OOEP: variants seen among roughly 807,000 people sequenced by gnomAD.
The protein encoded by OOEP is oocyte expressed protein, also known as oocyte-expressed protein homolog.
In OOEP, 16 loss-of-function variants were observed where a neutral mutation model predicts 13.7. That is an observed-to-expected ratio of 1.16 (90% CI 0.79 to 1.77). The LOEUF (loss-of-function observed/expected upper bound fraction) is 1.77. Ranked by LOEUF, OOEP falls within the 40% of genes most tolerant of loss-of-function variation. OOEP has a pLI of 0.00. For synonymous variants in OOEP, 89 were observed against 77.1 expected (o/e 1.15, Z -0.81); for missense variants, 195 against 193.1 (o/e 1.01, Z -0.06).
rs1183370048 is a variant in OOEP, at chr6:73,394,929, C to G, written c.-329G>C. 1.9e-6 allele frequency: 3 copies of G among 1,614,252 alleles called. No individual in the cohort carries two copies. In the South Asian group the frequency reaches 3.3e-5, roughly 18 times the overall value. On this transcript the variant is annotated 5_prime_UTR_variant, in exon 1 of 4. Transcript: ENST00000370363. ...CAATGTCCCACCACGGAGGAGCTCC[C>G]AAGGCCTCTACGTGGGTCGTTGCTA...
chr6:73,373,069 A>G, upstream of OOEP: 1 of 1,507,886 alleles, frequency 6.6e-7, no homozygotes, highest in Non-Finnish European at 9.2e-7. Context: ...CGTGACCTTC[A>G]GACAGCATAA....
At chr6:73,373,401 T>C (rs556332252), upstream of OOEP, 383 of 850,400 alleles carry the variant, frequency 4.5e-4, 5 homozygotes, top group Admixed American at 7.8e-3. Flanking sequence ...CTCAGCTCAC[T>C]GGGTAGCTGA....
intron 2 of OOEP, among the ~76,000 whole-genome samples, chr6:73,393,187 C>T (rs1034922652): frequency 2.6e-5 from 4 of 151,710 alleles, no homozygotes; most frequent in African/African-American, 7.3e-5. Flanking sequence ...TTCGGCACTT[C>T]GGCTCACTGT....
chr6:73,374,021 T>G (rs1330350661), upstream of OOEP, among the ~76,000 whole-genome samples: 2 of 151,902 alleles, frequency 1.3e-5, no homozygotes, highest in African/African-American at 4.8e-5. Flanking sequence ...AGAGGACCTG[T>G]CTCTACAAAA....
upstream of OOEP, chr6:73,369,946 C>A: frequency 1.6e-6 from 1 of 639,934 alleles, no homozygotes; most frequent in South Asian, 1.9e-5. Flanking sequence ...CGGGTGCAAG[C>A]GACGCCCCGG....
At position 73,369,768 on chromosome 6, in the gene OOEP, C is replaced by T. The variant is rs1180590771; in HGVS notation, c.25G>A (p.Glu9Lys). ...GGAGTCTGTTTGCCCCGCTGGGACT[C>T]AGCGGCACCAGCATCATCGACCATA... MVDDAGAA[E>K]SQRGKQTPAH... Residue 9 changes from glutamate to lysine, a missense_variant, in exon 1 of 3, where the codon GAG becomes AAG. Transcript: ENST00000370359. The T allele has an allele frequency of 1.9e-6, 3 of 1,613,676 alleles. No homozygotes were observed. The highest frequency in any genetic ancestry group is 4.5e-5 in the East Asian group (2 of 44,888).
chr6:73,377,606 G>C, intron 2 of OOEP, among the ~76,000 whole-genome samples: 1 of 152,102 alleles, frequency 6.6e-6, no homozygotes, highest in East Asian at 1.9e-4. Context: ...GTTGGGTCTG[G>C]TTTTGAACAA....
chr6:73,379,572 G>C (rs1429547382), intron 2 of OOEP, among the ~76,000 whole-genome samples: 1 of 143,100 alleles, frequency 7.0e-6, no homozygotes, highest in Non-Finnish European at 1.5e-5. Context: ...CCAGGAGGTG[G>C]AGGTTGCAGT....
At chr6:73,373,228 G>GA (rs1769087813), upstream of OOEP, 7 of 1,612,844 alleles carry the variant, frequency 4.3e-6, no homozygotes, top group South Asian at 6.6e-5. Flanking sequence ...TCTTGGCCAG[G>GA]AATCGCTTAA....
upstream of OOEP, among the ~76,000 whole-genome samples, chr6:73,374,311 A>T (rs1250419118): frequency 6.6e-6 from 1 of 152,078 alleles, no homozygotes; most frequent in African/African-American, 2.4e-5. Flanking sequence ...GTGATGTGGA[A>T]CCCCAGAGGC....
upstream of OOEP, among the ~76,000 whole-genome samples, chr6:73,372,907 CCTTT>C (rs1211432673): frequency 7.2e-5 from 10 of 139,668 alleles, no homozygotes; most frequent in Admixed American, 7.9e-5. Context: ...CTTTTTCTTT[CCTTT>C]TTTTTTTTTT....
At chr6:73,372,928 T>A (rs1192271741), upstream of OOEP, among the ~76,000 whole-genome samples, 168 of 147,242 alleles carry the variant, frequency 1.1e-3, no homozygotes, top group South Asian at 7.7e-3. Context: ...TTTTTTTTTT[T>A]AAAAACGAAA....
intron 2 of OOEP, among the ~76,000 whole-genome samples, chr6:73,377,907 G>A (rs1004026704): frequency 2.0e-5 from 3 of 152,024 alleles, no homozygotes; most frequent in African/African-American, 4.8e-5. Flanking sequence ...ACTCTTGGCC[G>A]CAAGCGAGCC....
chr6:73,376,720 C>T (rs980252358), intron 2 of OOEP, among the ~76,000 whole-genome samples: 21 of 152,178 alleles, frequency 1.4e-4, no homozygotes, highest in African/African-American at 4.3e-4. Context: ...GGTGCGATCT[C>T]GGCTCACCGC....
At chr6:73,376,352 T>TTTTG (rs1769138090) in intron 2 of OOEP, among the ~76,000 whole-genome samples, 1 of 31,720 alleles carries the variant, frequency 3.2e-5, no homozygotes, top group South Asian at 1.6e-3. Context: ...TTGTTTTTTT[T>TTTTG]TTTTTTTTTT....
exon 1 of OOEP, chr6:73,394,762 A>G (rs1369788198): frequency 4.2e-6 from 5 of 1,196,764 alleles, no homozygotes; most frequent in Non-Finnish European, 5.7e-6. Flanking sequence ...GGCGGGATAG[A>G]GAGCGTGGGC....
intron 2 of OOEP, among the ~76,000 whole-genome samples, chr6:73,383,052 T>G (rs1263597596): frequency 4.0e-5 from 6 of 151,078 alleles, no homozygotes; most frequent in African/African-American, 1.5e-4. Context: ...TTGGCCAGGT[T>G]GGTCTCAACT....
chr6:73,378,343 A>G (rs886833425), intron 2 of OOEP, among the ~76,000 whole-genome samples: 12 of 151,680 alleles, frequency 7.9e-5, no homozygotes, highest in African/African-American at 2.4e-4. Flanking sequence ...GAGCTCGAGC[A>G]ATCCACCCAC....
intron 2 of OOEP, among the ~76,000 whole-genome samples, chr6:73,384,088 CCT>C (rs1769238324): frequency 6.6e-6 from 1 of 151,750 alleles, no homozygotes; most frequent in Non-Finnish European, 1.5e-5. Context: ...AGAGTGAGAC[CCT>C]GTCTCTAAAT....
Sources: allele counts gnomAD v4.1 joint callset (sites outside exome capture counted in the v4.1 genomes callset), GRCh38; gene constraint gnomAD v4.1.1; transcripts MANE v1.5; gene names NCBI Gene and HGNC (gene_info 2026-07-23, HGNC 2026-07-21).